PIBF1: variants seen among roughly 807,000 people sequenced by gnomAD.
The protein encoded by PIBF1 is progesterone-induced-blocking factor 1.
In PIBF1, 90 loss-of-function variants were observed where a neutral mutation model predicts 112.5. The observed-to-expected ratio is 0.80, with a 90% CI of 0.67 to 0.95. The LOEUF (loss-of-function observed/expected upper bound fraction) is 0.95, where lower values mean the gene tolerates loss of function less well. Among genes scored for constraint, PIBF1 ranks in the 40% least tolerant of loss-of-function variants. The pLI, the probability that PIBF1 is intolerant of heterozygous loss-of-function variation, is 0.00. For missense variants in PIBF1, 915 were observed against 852.3 expected (o/e 1.07, Z -0.92); for synonymous variants, 301 against 288.6 (o/e 1.04, Z -0.44).
chr13:72,993,685 G>C (rs548260539), intron 16 of PIBF1, among the ~76,000 whole-genome samples: 1 of 148,774 alleles, frequency 6.7e-6, no homozygotes, highest in African/African-American at 2.5e-5. Context: ...GGCAGAGCTT[G>C]CAGTGAGCCA....
chr13:72,893,082 C>G (rs2040122924), intron 10 of PIBF1, among the ~76,000 whole-genome samples: 1 of 152,130 alleles, frequency 6.6e-6, no homozygotes, highest in Admixed American at 6.6e-5. Context: ...TAATAACTCC[C>G]TGAAAAGATA....
chr13:72,783,750 A>G, intron 2 of PIBF1, 29 bp downstream of exon 2: 5 of 1,599,094 alleles, frequency 3.1e-6, no homozygotes, highest in East Asian at 2.2e-5. Flanking sequence ...TTTGTGTTCT[A>G]TATGCTTTAT....
In PIBF1 at chr13:72,809,132, C is replaced by CTTTTTTTTTTTT. The variant is rs35219701; in HGVS notation, c.672+11118_672+11129dup. Among the ~76,000 whole-genome samples the CTTTTTTTTTTTT allele has an allele frequency of 1.1e-3, 80 of 74,830 alleles. 1 individual carries two copies. The highest frequency in any genetic ancestry group is 2.3e-3 in the African/African-American group (37 of 16,056). 49.1% of individuals were successfully genotyped at this position (74,830 alleles called of 152,430 possible). A position where few individuals can be genotyped will look rare whatever the true frequency, so the allele number is the denominator to read the frequency against. On this transcript the variant is annotated intron_variant, in intron 5 of 17. Transcript: ENST00000326291. ...CACCACTTGGGGGCAGTATATGTCC[C>CTTTTTTTTTTTT]TTTTTTTTTTTTTTTTTTTTTTTAA...
At chr13:72,907,812 C>T (rs181426111) in intron 11 of PIBF1, among the ~76,000 whole-genome samples, 1 of 151,974 alleles carries the variant, frequency 6.6e-6, no homozygotes, top group Non-Finnish European at 1.5e-5. Flanking sequence ...AGCATTAAAA[C>T]ATTTCCGTAT....
intron 5 of PIBF1, among the ~76,000 whole-genome samples, chr13:72,813,268 G>A (rs2036106640): frequency 6.6e-6 from 1 of 152,204 alleles, no homozygotes; most frequent in Non-Finnish European, 1.5e-5. Context: ...GATTCTAGGA[G>A]ATGAAAATGT....
intron 17 of PIBF1, among the ~76,000 whole-genome samples, chr13:73,015,388 G>A (rs776467832): frequency 3.3e-5 from 5 of 152,140 alleles, no homozygotes; most frequent in Non-Finnish European, 7.3e-5. Context: ...ACAGCCTGTC[G>A]CCTTTTAGGC....
chr13:72,976,487 C>T (rs1357343991), intron 16 of PIBF1, among the ~76,000 whole-genome samples: 1 of 152,104 alleles, frequency 6.6e-6, no homozygotes, highest in African/African-American at 2.4e-5. Flanking sequence ...ATGTATTTGA[C>T]AGTATATCTT....
chr13:72,891,094 A>C (rs1018734469), intron 10 of PIBF1, among the ~76,000 whole-genome samples: 1 of 152,134 alleles, frequency 6.6e-6, no homozygotes. Flanking sequence ...ACATGTCTAA[A>C]TATTGTTTAC....
chr13:72,938,698 T>G, intron 14 of PIBF1, among the ~76,000 whole-genome samples: 1 of 152,216 alleles, frequency 6.6e-6, no homozygotes, highest in East Asian at 1.9e-4. Context: ...TAAGTGGAAT[T>G]CAAGATGAAA....
intron 5 of PIBF1, among the ~76,000 whole-genome samples, chr13:72,802,663 T>A (rs78149611): frequency 0.015 from 2,278 of 152,270 alleles, 61 homozygotes; most frequent in African/African-American, 0.052. Flanking sequence ...AGAGTGTGGA[T>A]CTTAGACATG....
intron 16 of PIBF1, 52 bp downstream of exon 16, chr13:72,973,727 C>A: frequency 1.0e-6 from 1 of 972,472 alleles, no homozygotes; most frequent in Non-Finnish European, 1.6e-6. Flanking sequence ...TTTTTAAAAA[C>A]TGCTATCAGG....
intron 12 of PIBF1, among the ~76,000 whole-genome samples, chr13:72,911,300 G>A (rs1039010776): frequency 1.1e-4 from 16 of 152,248 alleles, no homozygotes; most frequent in South Asian, 2.1e-4. Flanking sequence ...GACAAATACA[G>A]CAATGAAACA....
intron 5 of PIBF1, among the ~76,000 whole-genome samples, chr13:72,816,724 T>C (rs2036291415): frequency 6.6e-6 from 1 of 152,070 alleles, no homozygotes; most frequent in African/African-American, 2.4e-5. Context: ...AAGTTTTTAT[T>C]TGAATTCACA....
chr13:72,991,113 A>G (rs1363888673), intron 16 of PIBF1, among the ~76,000 whole-genome samples: 3 of 152,256 alleles, frequency 2.0e-5, no homozygotes, highest in Non-Finnish European at 4.4e-5. Flanking sequence ...TACAACTTTC[A>G]GCAATTTATT....
At chr13:72,818,677 A>ATTTT (rs2036405169) in intron 5 of PIBF1, among the ~76,000 whole-genome samples, 2 of 57,310 alleles carry the variant, frequency 3.5e-5, no homozygotes, top group South Asian at 6.3e-4. Flanking sequence ...TCAGTCTTAA[A>ATTTT]CTTTTTTTTT....
At chr13:72,793,516 GAT>G (rs1476524326) in intron 3 of PIBF1, among the ~76,000 whole-genome samples, 10 of 152,202 alleles carry the variant, frequency 6.6e-5, no homozygotes, top group Non-Finnish European at 1.5e-5. Flanking sequence ...GTTCGCAGGT[GAT>G]GCAGATGCTG....
intron 13 of PIBF1, among the ~76,000 whole-genome samples, chr13:72,928,791 G>A (rs746561041): frequency 4.6e-5 from 7 of 151,974 alleles, no homozygotes; most frequent in Admixed American, 6.6e-5. Flanking sequence ...ATTGGTAAGC[G>A]GTATCACCCT....
chr13:72,944,500 T>G (rs1160305893), intron 14 of PIBF1, among the ~76,000 whole-genome samples: 3 of 152,054 alleles, frequency 2.0e-5, no homozygotes, highest in Non-Finnish European at 4.4e-5. Context: ...AAAATCAATT[T>G]TAACACAATA....
intron 9 of PIBF1, among the ~76,000 whole-genome samples, chr13:72,843,328 C>T (rs1375615241): frequency 1.3e-5 from 2 of 152,194 alleles, no homozygotes; most frequent in African/African-American, 4.8e-5. Flanking sequence ...TGGTGATTGA[C>T]AGGAAGTGAA....
Sources: allele counts gnomAD v4.1 joint callset (sites outside exome capture counted in the v4.1 genomes callset), GRCh38; gene constraint gnomAD v4.1.1; transcripts MANE v1.5; gene names NCBI Gene and HGNC (gene_info 2026-07-23, HGNC 2026-07-21).